CREBBP: variants seen among roughly 807,000 people sequenced by gnomAD.
The protein encoded by CREBBP is CREB-binding protein.
Under a neutral mutation model 265.0 loss-of-function variants are expected in CREBBP, and 19 were observed. That is an observed-to-expected ratio of 0.07 (90% confidence interval 0.05 to 0.11). CREBBP has a LOEUF of 0.11. Among genes scored for constraint, CREBBP ranks in the 10% least tolerant of loss-of-function variants. The pLI is 1.00. For synonymous variants in CREBBP, 1,457 were observed against 1,223.7 expected (o/e 1.19, Z -3.98); for missense variants, 2,525 against 3,219.0 (o/e 0.78, Z 5.22).
Position 3,727,732 on chromosome 16 carries a change from C to A in CREBBP, c.7315G>T (p.Val2439Leu). 6.2e-7 allele frequency: 1 copy of A among 1,614,128 alleles called. No homozygotes were observed. The highest frequency in any genetic ancestry group is 8.5e-7 in the Non-Finnish European group (1 of 1,180,028). ...CTCTCACAATGCTACAAGCCCTCCACAAACTTCTCTAGCGTGTCCCCCGTG... is the reference window on the plus strand; with the variant it reads ...CTCTCACAATGCTACAAGCCCTCCAAAAACTTCTCTAGCGTGTCCCCCGTG... Reference protein sequence around the residue: ...DTTGDTLEKFVEGL With the variant: ...DTTGDTLEKFLEGL Residue 2439 changes from valine to leucine, a missense_variant, in exon 31 of 31, where the codon GTG becomes TTG. Val to Leu is a conservative substitution (Grantham distance 32, BLOSUM62 1). Coordinates refer to ENST00000262367, the MANE Select transcript of CREBBP (RefSeq NM_004380.3).
At chr16:3,837,231 T>A (rs754959673) in intron 2 of CREBBP, among the ~76,000 whole-genome samples, 1 of 152,172 alleles carries the variant, frequency 6.6e-6, no homozygotes, top group Non-Finnish European at 1.5e-5. Context: ...ATATTCATGA[T>A]CCTGACCCTG....
In CREBBP at chr16:3,728,106, A is replaced by G. The variant is rs768181832; in HGVS notation, c.6941T>C (p.Met2314Thr). Residue 2314 changes from methionine (M) to threonine (T), a missense_variant, in exon 31 of 31, where the codon ATG (methionine) becomes ACG (threonine). Transcript: ENST00000262367. This position sits in a 1 kb window ranked among gnomAD's most constrained non-coding sequence, Gnocchi z 8.7. ...QIGSPGQPNP[M>T]SPQQHMLSGQ... is the part of the protein sequence containing the mutation. ...TGAGAGCATGTGTTGCTGGGGGCTCATGGGGTTCGGCTGGCCTGGGGACCC... is the reference window on the plus strand; with the variant it reads ...TGAGAGCATGTGTTGCTGGGGGCTCGTGGGGTTCGGCTGGCCTGGGGACCC... The G allele has an allele frequency of 6.2e-7, 1 of 1,614,114 alleles. No homozygotes were observed. The highest frequency in any genetic ancestry group is 8.5e-7 in the Non-Finnish European group (1 of 1,180,014).
Position 3,770,581 on chromosome 16 carries a change from G to C in CREBBP, c.2869C>G (p.Pro957Ala). The C allele has an allele frequency of 6.2e-7, 1 of 1,613,338 alleles. No homozygotes were observed. The highest frequency in any genetic ancestry group is 8.5e-7 in the Non-Finnish European group (1 of 1,180,002). Reference protein sequence around the residue: ...QQPTPVHAQPPGTPLSQAAAS... With the variant: ...QQPTPVHAQPAGTPLSQAAAS... ...ACAGAGAGGCTTACCGGTGTGCCAG[G>C]AGGCTGGGCGTGCACAGGCGTCGGC... is the stretch of plus-strand genomic sequence containing the variant. The change falls in exon 14 of 31, where the codon CCT (proline) becomes GCT (alanine). Residue 957 changes from proline (P) to alanine (A), a missense_variant. Physicochemically the swap from Pro to Ala is conservative, Grantham distance 27. Around this residue, in one of 19 missense-constraint regions of CREBBP, gnomAD observed 548 missense variants for 533.0 expected, o/e 1.03. Transcript: ENST00000262367.
In CREBBP at chr16:3,879,985, G is replaced by A; in HGVS notation, c.-69C>T. ...CCGGCGAGGGCCCGGACGGGGGTCG[G>A]GGGCCCTGCCGGCTGCGAGGGAGAG... On this transcript the variant is annotated 5_prime_UTR_variant, in exon 1 of 31. Transcript: ENST00000262367. 2.7e-6 allele frequency: 4 copies of A among 1,484,078 alleles called. No homozygotes were observed. The highest frequency in any genetic ancestry group is 1.8e-6 in the Non-Finnish European group (2 of 1,091,240). The allele number at this position is 1,484,078 out of a possible 1,614,324, so 91.9% of individuals were successfully genotyped here.
intron 2 of CREBBP, among the ~76,000 whole-genome samples, chr16:3,830,956 T>C (rs1038312314): frequency 6.6e-5 from 10 of 152,212 alleles, no homozygotes; most frequent in South Asian, 4.1e-4. Context: ...CTATTAATTT[T>C]TTTTGTACCT....
intron 21 of CREBBP, among the ~76,000 whole-genome samples, chr16:3,747,764 C>G (rs1329977024): frequency 2.6e-5 from 4 of 152,092 alleles, no homozygotes; most frequent in Admixed American, 1.3e-4. Flanking sequence ...AGTTCAAGAC[C>G]AGCCTGGTCA....
intron 1 of CREBBP, among the ~76,000 whole-genome samples, chr16:3,865,761 C>T (rs1294102249): frequency 2.6e-5 from 4 of 152,112 alleles, no homozygotes; most frequent in African/African-American, 7.2e-5. Flanking sequence ...GCCTCAGCCT[C>T]CTGAGTGGCT....
chr16:3,866,686 T>C (rs2055185229), intron 1 of CREBBP, among the ~76,000 whole-genome samples: 1 of 152,012 alleles, frequency 6.6e-6, no homozygotes, highest in Non-Finnish European at 1.5e-5. Context: ...GAATATAAAA[T>C]GAAAAACAGC....
Position 3,729,349 on chromosome 16 carries a change from G to C in CREBBP, c.5698C>G (p.Pro1900Ala), listed in dbSNP as rs1287402561. Residue 1900 changes from proline (P) to alanine (A), a missense_variant, in exon 31 of 31, where the codon CCC becomes GCC. Around this residue, in one of 19 missense-constraint regions of CREBBP, gnomAD observed 275 missense variants for 276.5 expected, o/e 0.99. Coordinates refer to ENST00000262367, the MANE Select transcript of CREBBP (RefSeq NM_004380.3). ...TGGGCAGGGGGCTGCGGCGTCTGGG[G>C]TGTGCTGGGCTGCTGTGTGGGGGTC... The part of the protein sequence containing the change: ...PGTPTQQPST[P>A]QTPQPPAQPQ... 4 of 1,600,534 alleles carry C rather than the reference G, an allele frequency of 2.5e-6. No individual in the cohort carries two copies. The highest frequency in any genetic ancestry group is 3.4e-6 in the Non-Finnish European group (4 of 1,176,880).
intron 5 of CREBBP, among the ~76,000 whole-genome samples, chr16:3,790,965 C>T (rs748112266): frequency 1.3e-4 from 20 of 152,144 alleles, no homozygotes; most frequent in African/African-American, 3.9e-4. Context: ...CAGGCAGCTG[C>T]GGGGTCTTGA....
chr16:3,739,847 G>T, intron 24 of CREBBP, 123 bp from the exon 25 acceptor site: 2 of 1,402,870 alleles, frequency 1.4e-6, no homozygotes, highest in Non-Finnish European at 2.0e-6. Context: ...CACCTCCTCA[G>T]ACCGTGGCCT....
intron 3 of CREBBP, 28 bp from the exon 4 acceptor site, chr16:3,793,654 C>CTTTA (rs1567318175): frequency 6.2e-7 from 1 of 1,608,496 alleles, no homozygotes; most frequent in Non-Finnish European, 8.5e-7. Flanking sequence ...AATAAAAATA[C>CTTTA]TTTAACCTCT....
intron 3 of CREBBP, among the ~76,000 whole-genome samples, chr16:3,802,803 G>A (rs947720612): frequency 1.3e-5 from 2 of 151,970 alleles, no homozygotes; most frequent in Admixed American, 6.5e-5. Flanking sequence ...CTTCCACATC[G>A]CAACAGGGTC....
At chr16:3,829,806 G>C (rs1020956388) in intron 2 of CREBBP, among the ~76,000 whole-genome samples, 1 of 152,192 alleles carries the variant, frequency 6.6e-6, no homozygotes, top group African/African-American at 2.4e-5. Context: ...GGAGCAGGAA[G>C]ATGTGACCCA....
chr16:3,799,787 G>C (rs2053676778), intron 3 of CREBBP, among the ~76,000 whole-genome samples: 1 of 152,304 alleles, frequency 6.6e-6, no homozygotes, highest in South Asian at 2.1e-4. Flanking sequence ...AGGGGAATGG[G>C]CCAGCCAAGC....
intron 2 of CREBBP, 42 bp from the exon 3 acceptor site, chr16:3,810,821 C>T: frequency 6.2e-7 from 1 of 1,603,074 alleles, no homozygotes; most frequent in Non-Finnish European, 8.5e-7. Flanking sequence ...GTGACGCAGT[C>T]AATATAAAAG....
rs538349826 is a variant in CREBBP, at chr16:3,737,948, C to T, written c.4394+611G>A. ...GATTACAGGCTCATGCTACTATGCC[C>T]GGCTAACTTTTGTATTTTTAGTAGA... On this transcript the variant is annotated intron_variant, in intron 26 of 30. Transcript: ENST00000262367. Among the ~76,000 whole-genome samples the T allele has an allele frequency of 1.8e-3, 267 of 150,760 alleles. 2 individuals carry two copies. In the South Asian group the frequency reaches 0.022, roughly 13 times the overall value.
At chr16:3,784,205 A>G (rs2053337296) in intron 5 of CREBBP, among the ~76,000 whole-genome samples, 1 of 152,178 alleles carries the variant, frequency 6.6e-6, no homozygotes, top group South Asian at 2.1e-4. Context: ...TTCAACCATC[A>G]GCACACCTAT....
intron 3 of CREBBP, among the ~76,000 whole-genome samples, chr16:3,801,148 A>T (rs1435424329): frequency 6.6e-6 from 1 of 152,218 alleles, no homozygotes; most frequent in Admixed American, 6.5e-5. Flanking sequence ...TGATGAGCCA[A>T]CCAACTAGCA....
Sources: allele counts gnomAD v4.1 joint callset (sites outside exome capture counted in the v4.1 genomes callset), GRCh38; gene constraint gnomAD v4.1.1; regional missense constraint gnomAD v4.1.1; non-coding constraint Gnocchi (gnomAD v3.1); transcripts MANE v1.5; gene names NCBI Gene and HGNC (gene_info 2026-07-23, HGNC 2026-07-21).